DENND1B: variants seen among roughly 807,000 people sequenced by gnomAD.
DENND1B encodes the protein DENN domain-containing protein 1B.
DENND1B carries 59 observed loss-of-function variants against 90.1 expected under a neutral mutation model. The observed-to-expected ratio is 0.65, with a 90% confidence interval of 0.53 to 0.81. The LOEUF (loss-of-function observed/expected upper bound fraction) is 0.81. DENND1B is among the 40% of genes least tolerant of loss of function. The pLI is 0.00. For missense variants in DENND1B, 862 were observed against 912.6 expected, an observed-to-expected ratio of 0.94 and a Z score of 0.71; for synonymous variants, 337 against 324.6, an observed-to-expected ratio of 1.04 and a Z score of -0.41.
intron 10 of DENND1B, among the ~76,000 whole-genome samples, chr1:197,636,681 A>C (rs1364643979): frequency 1.3e-5 from 2 of 152,196 alleles, no homozygotes; most frequent in Admixed American, 1.3e-4. Flanking sequence ...TATTGGCTAT[A>C]ATTATTAATA....
At chr1:197,632,358 T>C (rs1679401184) in intron 10 of DENND1B, among the ~76,000 whole-genome samples, 1 of 152,136 alleles carries the variant, frequency 6.6e-6, no homozygotes, top group Non-Finnish European at 1.5e-5. Context: ...TCTCTCCATA[T>C]ACAAACATAC....
chr1:197,671,389 A>C (rs924652396), intron 5 of DENND1B, among the ~76,000 whole-genome samples: 1 of 152,200 alleles, frequency 6.6e-6, no homozygotes, highest in African/African-American at 2.4e-5. Flanking sequence ...AAGGCAGATA[A>C]TGTAAGCAAT....
intron 2 of DENND1B, among the ~76,000 whole-genome samples, chr1:197,736,909 C>T (rs896650637): frequency 6.6e-6 from 1 of 152,172 alleles, no homozygotes; most frequent in African/African-American, 2.4e-5. Flanking sequence ...AGCATCTATT[C>T]TTTTGAATGT....
intron 20 of DENND1B, among the ~76,000 whole-genome samples, chr1:197,523,280 C>T (rs1016652011): frequency 2.6e-5 from 4 of 152,028 alleles, no homozygotes; most frequent in African/African-American, 9.7e-5. Context: ...AATAAGAAGC[C>T]TTCTTAAGAA....
At chr1:197,758,790 C>G (rs1033050116) in intron 2 of DENND1B, among the ~76,000 whole-genome samples, 9 of 152,102 alleles carry the variant, frequency 5.9e-5, no homozygotes, top group African/African-American at 2.2e-4. Context: ...GATTTAATTA[C>G]TTATTCACAG....
At chr1:197,703,723 C>T (rs1159970555) in intron 3 of DENND1B, among the ~76,000 whole-genome samples, 1 of 152,190 alleles carries the variant, frequency 6.6e-6, no homozygotes, top group Non-Finnish European at 1.5e-5. Context: ...CCCTGGCTTA[C>T]TGATTAATTT....
chr1:197,714,028 T>C (rs1660371949), intron 3 of DENND1B, among the ~76,000 whole-genome samples: 1 of 125,142 alleles, frequency 8.0e-6, no homozygotes, highest in East Asian at 2.3e-4. Flanking sequence ...CTCACATTGG[T>C]TGCCCAGGCA....
chr1:197,555,619 AATC>A (rs1258533780), intron 15 of DENND1B, among the ~76,000 whole-genome samples: 5 of 152,106 alleles, frequency 3.3e-5, no homozygotes, highest in African/African-American at 1.2e-4. Flanking sequence ...CAACATCACT[AATC>A]ATCAGAGAGA....
At chr1:197,570,497 A>T (rs1014005823) in intron 15 of DENND1B, among the ~76,000 whole-genome samples, 9 of 152,256 alleles carry the variant, frequency 5.9e-5, no homozygotes, top group African/African-American at 2.2e-4. Context: ...CAAAACTAAG[A>T]TTTTTCAATT....
intron 20 of DENND1B, among the ~76,000 whole-genome samples, chr1:197,539,430 C>A (rs1005400445): frequency 4.6e-5 from 7 of 151,526 alleles, no homozygotes; most frequent in African/African-American, 1.2e-4. Flanking sequence ...GAAAAAAAAA[C>A]CAGGAACACT....
intron 18 of DENND1B, 135 bp from the exon 19 acceptor site, chr1:197,541,150 A>G (rs1439526471): frequency 1.2e-6 from 1 of 827,436 alleles, no homozygotes; most frequent in Non-Finnish European, 1.9e-6. Context: ...ATAATCTAAC[A>G]TTCTATTTTC....
chr1:197,767,293 C>T lies in DENND1B; in HGVS notation c.82+5575G>A, dbSNP rs560222133. 4.6e-5 allele frequency among the ~76,000 whole-genome samples: 7 copies of T among 151,624 alleles called. No homozygotes were observed. In the South Asian group the frequency reaches 1.5e-3, roughly 32 times the overall value. On this transcript the variant is annotated intron_variant, in intron 2 of 22. Coordinates refer to ENST00000620048, the MANE Select transcript of DENND1B (RefSeq NM_001195215.2). ...AATAGTACAATAAGTGCTAAAATAC[C>T]AAGCAGAAGCAAAATGTTGTAGAGT...
intron 6 of DENND1B, among the ~76,000 whole-genome samples, chr1:197,655,538 T>G (rs553314255): frequency 8.9e-4 from 136 of 152,016 alleles, no homozygotes; most frequent in African/African-American, 3.1e-3. Flanking sequence ...TTAACTTTTT[T>G]TTTTTTTTTT....
intron 20 of DENND1B, among the ~76,000 whole-genome samples, chr1:197,526,415 C>T (rs1473484403): frequency 6.6e-6 from 1 of 151,766 alleles, no homozygotes; most frequent in Non-Finnish European, 1.5e-5. Flanking sequence ...ATCAAGACCC[C>T]TTACAAACAA....
chr1:197,756,300 C>T (rs1654276633), intron 2 of DENND1B, among the ~76,000 whole-genome samples: 1 of 152,088 alleles, frequency 6.6e-6, no homozygotes, highest in Admixed American at 6.5e-5. Flanking sequence ...TTAGGCTGGG[C>T]ATGGTGGCTC....
At chr1:197,660,403 C>A (rs540038560) in intron 5 of DENND1B, among the ~76,000 whole-genome samples, 4 of 151,810 alleles carry the variant, frequency 2.6e-5, no homozygotes, top group African/African-American at 4.8e-5. Context: ...ACTATCAGGC[C>A]ATCAATCTCA....
In DENND1B at chr1:197,684,418, G is replaced by A. The variant is rs746852080; in HGVS notation, c.127-10249C>T. Among the ~76,000 whole-genome samples, 4 of 152,098 alleles carry A rather than the reference G, an allele frequency of 2.6e-5. 1 individual carries two copies. The highest frequency in any genetic ancestry group is 4.1e-4 in the South Asian group (2 of 4,824). Reference sequence around the variant, plus strand: ...CATTGTTTTCATCGAGATTGCAATCGATAATCAGCAGATGCCTAAATGTGA... The same window carrying A: ...CATTGTTTTCATCGAGATTGCAATCAATAATCAGCAGATGCCTAAATGTGA... On this transcript the variant is annotated intron_variant, in intron 3 of 22. Coordinates refer to ENST00000620048, the MANE Select transcript of DENND1B (RefSeq NM_001195215.2).
At chr1:197,755,226 T>G (rs1161653787) in intron 2 of DENND1B, among the ~76,000 whole-genome samples, 1 of 152,212 alleles carries the variant, frequency 6.6e-6, no homozygotes, top group Admixed American at 6.5e-5. Flanking sequence ...ATCAGCCTGG[T>G]CACTTCACTT....
chr1:197,561,773 CAGATG>C (rs1473264513), intron 15 of DENND1B, among the ~76,000 whole-genome samples: 1 of 151,912 alleles, frequency 6.6e-6, no homozygotes, highest in Non-Finnish European at 1.5e-5. Flanking sequence ...TCCAGTTTCT[CAGATG>C]AGATAACATG....
Sources: allele counts gnomAD v4.1 joint callset (sites outside exome capture counted in the v4.1 genomes callset), GRCh38; gene constraint gnomAD v4.1.1; transcripts MANE v1.5; gene names NCBI Gene and HGNC (gene_info 2026-07-23, HGNC 2026-07-21).